RAPGEF1: variants seen among roughly 807,000 people sequenced by gnomAD.
RAPGEF1 encodes CRK SH3-binding GNRP.
RAPGEF1 carries 33 observed loss-of-function variants against 143.3 expected under a neutral mutation model. That is an observed-to-expected ratio of 0.23 (90% CI 0.17 to 0.31). The LOEUF (loss-of-function observed/expected upper bound fraction) is 0.31. Ranked by LOEUF, RAPGEF1 falls within the 10% of genes least tolerant of loss-of-function variation. The pLI, the probability that RAPGEF1 is intolerant of heterozygous loss-of-function variation, is 1.00. For missense variants in RAPGEF1, 1,199 were observed against 1,645.4 expected (o/e 0.73, Z 4.69); for synonymous variants, 629 against 676.5 (o/e 0.93, Z 1.09).
chr9:131,629,274 T>G lies in RAPGEF1; in HGVS notation c.741-20A>C, dbSNP rs201884451. On this transcript the variant is annotated intron_variant, in intron 6 of 26. Transcript: ENST00000683357. ...GCTGGGCTGGAGAATTGGGAAGAAC[T>G]TGGGGTTACAGAAGGTCAAAGGCGG... The G allele has an allele frequency of 2.1e-5, 33 of 1,609,696 alleles. No homozygotes were observed. The African/African-American group carries it at 3.9e-4, about 19-fold the overall frequency.
chr9:131,633,465 GAA>G (rs1965504109), intron 5 of RAPGEF1, among the ~76,000 whole-genome samples: 1 of 152,208 alleles, frequency 6.6e-6, no homozygotes, highest in South Asian at 2.1e-4. Flanking sequence ...GGAACAGAGA[GAA>G]GTCTGTGTTG....
At chr9:131,731,524 C>G (rs11243491) in intron 1 of RAPGEF1, among the ~76,000 whole-genome samples, 33,561 of 152,174 alleles carry the variant, frequency 0.22, 4,291 homozygotes, top group Non-Finnish European at 0.29. Flanking sequence ...GCTGTCCTCT[C>G]TTCTCATTCC....
chr9:131,739,642 C>T (rs1377751147), intron 1 of RAPGEF1, 128 bp downstream of exon 1: 7 of 686,528 alleles, frequency 1.0e-5, no homozygotes, highest in Non-Finnish European at 1.3e-5. Context: ...GGCGAGGCCT[C>T]GGTGGCTTCA....
chr9:131,638,382 G>A (rs779842728), intron 5 of RAPGEF1, among the ~76,000 whole-genome samples: 2 of 152,232 alleles, frequency 1.3e-5, no homozygotes, highest in African/African-American at 4.8e-5. Flanking sequence ...CAGCCAGCAC[G>A]ATGCTACGAA....
At chr9:131,729,254 C>A (rs1031068138) in intron 1 of RAPGEF1, among the ~76,000 whole-genome samples, 20 of 150,402 alleles carry the variant, frequency 1.3e-4, no homozygotes. Context: ...TGGTGGCTGA[C>A]TGTCAGTTCC....
chr9:131,641,541 G>A lies in RAPGEF1; in HGVS notation c.494+1698C>T, dbSNP rs1197382516. ...TCCAACACAGCTTCCTCCCTGTACC[G>A]TAAAATAAGTGCTTTATCGTAGAAC... On this transcript the variant is annotated intron_variant, in intron 4 of 26. Coordinates refer to ENST00000683357, the MANE Select transcript of RAPGEF1 (RefSeq NM_001377935.1). The surrounding 1 kb of genome is among the most constrained non-coding windows in gnomAD (Gnocchi z 4.6). Among the ~76,000 whole-genome samples the A allele has an allele frequency of 2.0e-5, 3 of 152,190 alleles. No homozygotes were observed. Among genetic ancestry groups the A allele is most frequent in the African/African-American group, 4.8e-5 (2 of 41,448 alleles).
At chr9:131,599,556 T>C (rs913202791) in intron 15 of RAPGEF1, among the ~76,000 whole-genome samples, 6 of 151,344 alleles carry the variant, frequency 4.0e-5, no homozygotes, top group Non-Finnish European at 7.4e-5. Context: ...GCTTCTGGAA[T>C]GGGATGGGTG....
At chr9:131,709,847 T>A in intron 1 of RAPGEF1, 3 of 1,431,122 alleles carry the variant, frequency 2.1e-6, no homozygotes, top group Non-Finnish European at 2.7e-6. Flanking sequence ...AATCTCATTC[T>A]CAAGTCTTTG....
At chr9:131,588,694 C>T (rs1207480094) in intron 20 of RAPGEF1, 107 bp downstream of exon 20, 31 of 1,195,550 alleles carry the variant, frequency 2.6e-5, no homozygotes, top group Non-Finnish European at 3.3e-5. Context: ...CATCAAAGGG[C>T]CTGTGCAGAA....
chr9:131,655,937 C>A lies in RAPGEF1; in HGVS notation c.62-4988G>T, dbSNP rs2133544294. Among the ~76,000 whole-genome samples the A allele has an allele frequency of 6.6e-6, 1 of 152,258 alleles. No homozygotes were observed. Among genetic ancestry groups the A allele is most frequent in the South Asian group, 2.1e-4 (1 of 4,830 alleles). On this transcript the variant is annotated intron_variant, in intron 1 of 26. Transcript: ENST00000683357. The surrounding 1 kb of genome is among the most constrained non-coding windows in gnomAD (Gnocchi z 4.1). ...GCACTGGAGTCAGAATGTTTGCATTCAAATACTTAGATATCATCTCTCTAA... is the reference window on the plus strand; with the variant it reads ...GCACTGGAGTCAGAATGTTTGCATTAAAATACTTAGATATCATCTCTCTAA...
At chr9:131,692,845 G>T (rs929684855) in intron 1 of RAPGEF1, among the ~76,000 whole-genome samples, 13 of 152,180 alleles carry the variant, frequency 8.5e-5, no homozygotes, top group African/African-American at 1.9e-4. Context: ...CCTTCTAGCC[G>T]AACAGGAAAT....
At chr9:131,612,547 G>A (rs560477452) in intron 12 of RAPGEF1, among the ~76,000 whole-genome samples, 2 of 152,208 alleles carry the variant, frequency 1.3e-5, no homozygotes, top group African/African-American at 4.8e-5. Flanking sequence ...CCCACAGTAA[G>A]GCAAGGCAGG....
chr9:131,615,858 C>T (rs1226386001), intron 12 of RAPGEF1, among the ~76,000 whole-genome samples: 1 of 152,176 alleles, frequency 6.6e-6, no homozygotes, highest in African/African-American at 2.4e-5. Context: ...CTCCGCCACC[C>T]ACAAGGTTTC....
At chr9:131,664,558 A>T (rs35297841) in intron 1 of RAPGEF1, among the ~76,000 whole-genome samples, 33,126 of 151,998 alleles carry the variant, frequency 0.22, 4,137 homozygotes, top group Non-Finnish European at 0.29. Context: ...CCCTTCCACA[A>T]CAGTGAGAAC....
chr9:131,699,417 T>C (rs140188832), intron 1 of RAPGEF1, among the ~76,000 whole-genome samples: 477 of 152,218 alleles, frequency 3.1e-3, no homozygotes, highest in Non-Finnish European at 4.7e-3. Context: ...GCTAATTTTG[T>C]ATTTTTACTA....
At chr9:131,698,347 C>T (rs962925616) in intron 1 of RAPGEF1, among the ~76,000 whole-genome samples, 1 of 152,150 alleles carries the variant, frequency 6.6e-6, no homozygotes, top group African/African-American at 2.4e-5. Context: ...CAGTTTAGGT[C>T]CCAATTCTGC....
At chr9:131,709,207 C>T (rs1250667641) in intron 1 of RAPGEF1, among the ~76,000 whole-genome samples, 18 of 152,214 alleles carry the variant, frequency 1.2e-4, no homozygotes, top group Admixed American at 1.2e-3. Flanking sequence ...ATCAGCTGGG[C>T]GTGGTGGCGG....
rs1417668258 is a variant in RAPGEF1 at position 131,626,187 on chromosome 9, C to T, written c.1437G>A (p.Arg479=). 1.2e-6 allele frequency: 2 copies of T among 1,613,920 alleles called. No homozygotes were observed. The highest frequency in any genetic ancestry group is 2.2e-5 in the East Asian group (1 of 44,878). ...TPPALPEKKR[R]SAASQTADGS... ...CGTCCGCCGTCTGGGAGGCTGCGCT[C>T]CTGCGCTTCTTCTCGGGGAGAGCAG... The change falls in exon 10 of 27, where the codon AGG becomes AGA. Residue 479 remains arginine (R), a synonymous_variant. Coordinates refer to ENST00000683357, the MANE Select transcript of RAPGEF1 (RefSeq NM_001377935.1).
intron 6 of RAPGEF1, 42 bp downstream of exon 6, chr9:131,630,194 C>T (rs1964457206): frequency 1.9e-6 from 3 of 1,597,440 alleles, no homozygotes; most frequent in Non-Finnish European, 2.6e-6. Flanking sequence ...GACTTTGCCA[C>T]TGAGCGTGAC....
Sources: gnomAD v4.1 joint callset for allele counts (sites outside exome capture counted in the v4.1 genomes callset) on GRCh38, gnomAD v4.1.1 for gene constraint, Gnocchi (gnomAD v3.1) non-coding constraint, MANE v1.5 for transcripts, NCBI Gene and HGNC (gene_info 2026-07-23, HGNC 2026-07-21) for gene names.